INPP5B: variants seen among roughly 807,000 people sequenced by gnomAD.
INPP5B encodes the protein inositol polyphosphate-5-phosphatase B.
INPP5B carries 90 observed loss-of-function variants against 118.5 expected under a neutral mutation model. The ratio of observed to expected loss-of-function variants is 0.76; its 90% CI spans 0.64 to 0.90. INPP5B has a LOEUF of 0.90. Ranked by LOEUF, INPP5B falls within the 40% of genes least tolerant of loss-of-function variation. The pLI is 0.00. For synonymous variants in INPP5B, 385 were observed against 418.9 expected, an observed-to-expected ratio of 0.92 and a Z score of 0.99; for missense variants, 984 against 1,125.6, an observed-to-expected ratio of 0.87 and a Z score of 1.80.
chr1:37,925,416 T>A (rs1252414618), intron 7 of INPP5B, among the ~76,000 whole-genome samples: 1 of 152,108 alleles, frequency 6.6e-6, no homozygotes, highest in African/African-American at 2.4e-5. Context: ...TTTTATATAT[T>A]TATCTATTTA....
intron 7 of INPP5B, among the ~76,000 whole-genome samples, chr1:37,897,552 C>T (rs1408058396): frequency 6.7e-6 from 1 of 150,178 alleles, no homozygotes; most frequent in African/African-American, 2.4e-5. Flanking sequence ...CCTTAAGAGT[C>T]ATCACCACTC....
At chr1:37,912,592 C>G (rs1172718959) in intron 7 of INPP5B, among the ~76,000 whole-genome samples, 1 of 152,136 alleles carries the variant, frequency 6.6e-6, no homozygotes, top group African/African-American at 2.4e-5. Context: ...TGTAAATGCC[C>G]TGCCCTTGTT....
At chr1:37,943,606 C>G (rs775093213) in intron 5 of INPP5B, 34 bp downstream of exon 5, 5 of 1,612,246 alleles carry the variant, frequency 3.1e-6, no homozygotes, top group African/African-American at 2.7e-5. Flanking sequence ...GCACCCCTGC[C>G]CCGAGTGGGA....
intron 7 of INPP5B, among the ~76,000 whole-genome samples, chr1:37,909,635 G>A (rs758921190): frequency 1.8e-4 from 28 of 151,926 alleles, no homozygotes; most frequent in Admixed American, 1.3e-4. Context: ...ATGCTTTACC[G>A]CCCTAGACCC....
rs771979125 is a variant in INPP5B, at chr1:37,945,807, C to T, written c.101G>A (p.Arg34His). ...GCGGTAGCGCACGAGTCCCAGGAGG[C>T]GGCTCTGCCGGCTGTCCCCCTCACA... ...VLCEGDSRQSRLLGLVRYRLE... is the reference protein window; with the variant it reads ...VLCEGDSRQSHLLGLVRYRLE... Residue 34 changes from arginine to histidine, a missense_variant, in exon 3 of 24, where the codon CGC becomes CAC. Transcript: ENST00000373024. 8.1e-6 allele frequency: 13 copies of T among 1,613,876 alleles called. No homozygotes were observed. In the East Asian group the frequency reaches 8.9e-5, roughly 11 times the overall value.
chr1:37,924,643 A>G (rs754612011), intron 7 of INPP5B, among the ~76,000 whole-genome samples: 3 of 151,368 alleles, frequency 2.0e-5, no homozygotes, highest in Non-Finnish European at 2.9e-5. Flanking sequence ...GCGGTGGCTC[A>G]TGCCTGTAAT....
chr1:37,943,499 G>A, intron 5 of INPP5B, 141 bp downstream of exon 5: 5 of 793,348 alleles, frequency 6.3e-6, no homozygotes, highest in Non-Finnish European at 1.0e-5. Context: ...AGCCCACGGA[G>A]ATGGGCTGTG....
chr1:37,937,746 G>A (rs956364100), intron 6 of INPP5B, among the ~76,000 whole-genome samples: 7 of 151,144 alleles, frequency 4.6e-5, no homozygotes, highest in Non-Finnish European at 7.4e-5. Context: ...CAGCCTGGGC[G>A]ACAGAGCCAG....
intron 6 of INPP5B, among the ~76,000 whole-genome samples, chr1:37,932,806 T>C (rs1645540557): frequency 6.6e-6 from 1 of 152,168 alleles, no homozygotes; most frequent in African/African-American, 2.4e-5. Flanking sequence ...CAGCAGCAGT[T>C]GGCAGCCCAC....
At chr1:37,866,049 G>A (rs1241881577) in intron 21 of INPP5B, 161 bp from the exon 22 acceptor site, 3 of 757,080 alleles carry the variant, frequency 4.0e-6, no homozygotes, top group Non-Finnish European at 4.8e-6. Flanking sequence ...TGTTTGTCAG[G>A]TGAGCCAGGC....
At chr1:37,882,468 T>C (rs763970952) in intron 14 of INPP5B, among the ~76,000 whole-genome samples, 1 of 152,158 alleles carries the variant, frequency 6.6e-6, no homozygotes, top group Non-Finnish European at 1.5e-5. Context: ...CTAAAAACAA[T>C]TATTACATCA....
intron 3 of INPP5B, among the ~76,000 whole-genome samples, chr1:37,944,621 G>T (rs1167222932): frequency 6.6e-6 from 1 of 150,826 alleles, no homozygotes; most frequent in African/African-American, 2.4e-5. Flanking sequence ...TAGAGACAGG[G>T]TCTTGCTGTG....
chr1:37,866,086 G>A (rs575209709), intron 21 of INPP5B, among the ~76,000 whole-genome samples, 198 bp from the exon 22 acceptor site: 6 of 152,212 alleles, frequency 3.9e-5, no homozygotes, highest in African/African-American at 9.6e-5. Flanking sequence ...TCTATTGGTT[G>A]CTTAAAGTTG....
At chr1:37,884,728 G>C (rs1643415455) in intron 13 of INPP5B, among the ~76,000 whole-genome samples, 1 of 152,024 alleles carries the variant, frequency 6.6e-6, no homozygotes, top group South Asian at 2.1e-4. Context: ...GAGGTGGGCG[G>C]ATCACGAGGT....
chr1:37,941,556 G>A (rs75893460), intron 5 of INPP5B, among the ~76,000 whole-genome samples: 2 of 151,864 alleles, frequency 1.3e-5, no homozygotes, highest in African/African-American at 2.4e-5. Flanking sequence ...TGGGAGGATC[G>A]CTTGAGCCCA....
chr1:37,899,957 G>A (rs930108724), intron 7 of INPP5B, among the ~76,000 whole-genome samples: 5 of 151,568 alleles, frequency 3.3e-5, no homozygotes, highest in African/African-American at 1.2e-4. Flanking sequence ...TTCATGATCC[G>A]CCCGCCTTGG....
chr1:37,883,844 T>A, intron 13 of INPP5B: 1 of 985,448 alleles, frequency 1.0e-6, no homozygotes, highest in Non-Finnish European at 1.2e-6. Flanking sequence ...TTGGCAGATA[T>A]CACGGCCCCA....
At position 37,886,921 on chromosome 1, in the gene INPP5B, G is replaced by A. The variant is rs200506068; in HGVS notation, c.1098C>T (p.Ala366=). ...CCATGATTCCTGTCCCCACAGTCTC[G>A]GCTTCCACTTCTGAGATATAAGCTG... The part of the protein sequence containing the change: ...EHAAYISEVE[A]ETVGTGIMGR... Residue 366 remains alanine, a synonymous_variant, in exon 12 of 24, where the codon GCC becomes GCT. Coordinates refer to ENST00000373024, the MANE Select transcript of INPP5B (RefSeq NM_005540.3). 4.2e-5 allele frequency: 67 copies of A among 1,613,938 alleles called. No homozygotes were observed. The highest frequency in any genetic ancestry group is 2.4e-4 in the African/African-American group (18 of 74,882).
In INPP5B at chr1:37,931,966, C is replaced by T. The variant is rs775582763; in HGVS notation, c.479G>A (p.Arg160His). 1.2e-6 allele frequency: 2 copies of T among 1,614,040 alleles called. No individual in the cohort carries two copies. The highest frequency in any genetic ancestry group is 1.7e-6 in the Non-Finnish European group (2 of 1,180,006). ...AELELEMPTP[R>H]GCNSALVTWP... ...GGTAACTAGGGCCGAGTTACAACCGCGCGGCGTTGGCATCTCCAGCTCCAG... is the reference window on the plus strand; with the variant it reads ...GGTAACTAGGGCCGAGTTACAACCGTGCGGCGTTGGCATCTCCAGCTCCAG... Residue 160 changes from arginine to histidine, a missense_variant, in exon 7 of 24, where the codon CGC (arginine) becomes CAC (histidine). Transcript: ENST00000373024.
Sources: gnomAD v4.1 joint callset for allele counts (sites outside exome capture counted in the v4.1 genomes callset) on GRCh38, gnomAD v4.1.1 for gene constraint, MANE v1.5 for transcripts, NCBI Gene and HGNC (gene_info 2026-07-23, HGNC 2026-07-21) for gene names.